STEAP1B: variants seen among roughly 807,000 people sequenced by gnomAD.
STEAP1B encodes the protein STEAP family member 1B, also known as STEAP family protein MGC87042.
A neutral mutation model predicts 27.9 loss-of-function variants in STEAP1B; 13 were observed. The observed-to-expected ratio is 0.47, with a 90% CI of 0.30 to 0.74. STEAP1B has a LOEUF of 0.74. STEAP1B is among the 30% of genes least tolerant of loss of function. The pLI, the probability that STEAP1B is intolerant of heterozygous loss-of-function variation, is 0.06. For missense variants in STEAP1B, 250 were observed against 298.7 expected (o/e 0.84, Z 1.20); for synonymous variants, 86 against 107.1 (o/e 0.80, Z 1.22).
chr7:22,458,609 G>A (rs1384440556), intron 4 of STEAP1B, among the ~76,000 whole-genome samples: 1 of 152,180 alleles, frequency 6.6e-6, no homozygotes, highest in East Asian at 1.9e-4. Flanking sequence ...CGCACCACTG[G>A]GTAGGCCATA....
At position 22,487,232 on chromosome 7, in the gene STEAP1B, G is replaced by A. The variant is rs1190928783; in HGVS notation, c.762+5333C>T. ...AAGGATCGCTTGAGCCCAGGAGTTT[G>A]GGGCTGCAGTGAGCTGTGATCGCAC... On this transcript the variant is annotated intron_variant, in intron 4 of 4. Transcript: ENST00000678116. Among the ~76,000 whole-genome samples the A allele has an allele frequency of 2.6e-5, 4 of 152,048 alleles. No homozygotes were observed. The South Asian group carries it at 8.3e-4, about 32-fold the overall frequency.
At chr7:22,493,176 T>C (rs1786362323) in intron 3 of STEAP1B, 148 bp downstream of exon 3, 2 of 1,017,540 alleles carry the variant, frequency 2.0e-6, no homozygotes, top group Non-Finnish European at 2.8e-6. Flanking sequence ...CAAGCCCTAG[T>C]GTAATTATAA....
rs116069469 is a variant in STEAP1B, at chr7:22,421,103, T to C, written c.763-1267A>G. Among the ~76,000 whole-genome samples the C allele has an allele frequency of 7.5e-3, 1,142 of 152,376 alleles. 14 individuals are homozygous for C. The highest frequency in any genetic ancestry group is 0.026 in the African/African-American group (1,072 of 41,592). Reference sequence around the variant, plus strand: ...ACATCAGTTATGTCTGGCAAGCACATTGTTAAAAGTGGATTCCTGCCCTTG... The same window carrying C: ...ACATCAGTTATGTCTGGCAAGCACACTGTTAAAAGTGGATTCCTGCCCTTG... On this transcript the variant is annotated intron_variant, in intron 4 of 4. Coordinates refer to ENST00000678116, the MANE Select transcript of STEAP1B (RefSeq NM_001382447.1).
chr7:22,434,656 C>T (rs748459597), intron 4 of STEAP1B, among the ~76,000 whole-genome samples: 16 of 152,144 alleles, frequency 1.1e-4, no homozygotes, highest in Non-Finnish European at 8.8e-5. Flanking sequence ...CCTTTCTATG[C>T]CAGACACAAC....
chr7:22,430,531 T>C (rs939410122), intron 4 of STEAP1B, among the ~76,000 whole-genome samples: 5 of 152,218 alleles, frequency 3.3e-5, no homozygotes, highest in African/African-American at 1.2e-4. Flanking sequence ...TTCAACATTA[T>C]TCAGATGCTT....
intron 4 of STEAP1B, among the ~76,000 whole-genome samples, chr7:22,422,458 G>A (rs1192686353): frequency 1.3e-5 from 2 of 152,074 alleles, no homozygotes; most frequent in East Asian, 1.9e-4. Flanking sequence ...AATATGCAAG[G>A]TGAGTCCTTG....
intron 4 of STEAP1B, among the ~76,000 whole-genome samples, chr7:22,435,735 T>G (rs1426172622): frequency 6.6e-6 from 1 of 152,212 alleles, no homozygotes; most frequent in Non-Finnish European, 1.5e-5. Flanking sequence ...ATACGCACCG[T>G]GGGCAGAGAG....
At chr7:22,488,667 C>T (rs1786262845) in intron 4 of STEAP1B, among the ~76,000 whole-genome samples, 1 of 152,204 alleles carries the variant, frequency 6.6e-6, no homozygotes, top group East Asian at 1.9e-4. Flanking sequence ...TTCACAGGAG[C>T]CACATCACTA....
intron 4 of STEAP1B, among the ~76,000 whole-genome samples, chr7:22,432,089 G>C (rs1785194593): frequency 6.6e-6 from 1 of 152,142 alleles, no homozygotes; most frequent in African/African-American, 2.4e-5. Context: ...AGTGGGATTG[G>C]TGTCCTTATA....
At chr7:22,431,692 C>T (rs1251403527) in intron 4 of STEAP1B, among the ~76,000 whole-genome samples, 2 of 152,214 alleles carry the variant, frequency 1.3e-5, no homozygotes, top group African/African-American at 4.8e-5. Context: ...TGAATTTGAT[C>T]TTGGGAACAC....
At chr7:22,471,250 A>G (rs1173957525) in intron 4 of STEAP1B, among the ~76,000 whole-genome samples, 4 of 152,218 alleles carry the variant, frequency 2.6e-5, no homozygotes, top group African/African-American at 9.6e-5. Flanking sequence ...CTGTTAAAAT[A>G]TCTAAAACAC....
intron 4 of STEAP1B, among the ~76,000 whole-genome samples, chr7:22,432,944 T>C (rs998553295): frequency 6.6e-6 from 1 of 152,182 alleles, no homozygotes; most frequent in Admixed American, 6.5e-5. Flanking sequence ...AACTGCCAGT[T>C]GCTTCATGAG....
intron 4 of STEAP1B, among the ~76,000 whole-genome samples, chr7:22,468,497 A>C (rs116552899): frequency 0.029 from 4,399 of 152,270 alleles, 202 homozygotes; most frequent in African/African-American, 0.1. Flanking sequence ...GCTTTTTAAA[A>C]AGTTGAATAT....
At chr7:22,495,104 A>G (rs532995014) in intron 1 of STEAP1B, among the ~76,000 whole-genome samples, 31 of 152,306 alleles carry the variant, frequency 2.0e-4, no homozygotes, top group Non-Finnish European at 4.0e-4. Flanking sequence ...TTCTTTATCC[A>G]CTTATTTGTT....
chr7:22,480,254 C>T (rs889891103), intron 4 of STEAP1B, among the ~76,000 whole-genome samples: 1 of 152,230 alleles, frequency 6.6e-6, no homozygotes, highest in Non-Finnish European at 1.5e-5. Flanking sequence ...TTGTACATAT[C>T]ATTCTCGGCT....
chr7:22,431,287 G>A (rs1785184044), intron 4 of STEAP1B, among the ~76,000 whole-genome samples: 1 of 152,128 alleles, frequency 6.6e-6, no homozygotes, highest in Admixed American at 6.5e-5. Flanking sequence ...TTTGCAAAAT[G>A]GCTGGAAGCA....
chr7:22,464,948 C>CACATATAT (rs1554286209), intron 4 of STEAP1B, among the ~76,000 whole-genome samples: 1 of 45,012 alleles, frequency 2.2e-5, no homozygotes, highest in Non-Finnish European at 5.2e-5. Flanking sequence ...TACCAAACCC[C>CACATATAT]ATATATATAT....
chr7:22,470,943 T>A (rs180960882), intron 4 of STEAP1B, among the ~76,000 whole-genome samples: 1 of 152,018 alleles, frequency 6.6e-6, no homozygotes, highest in African/African-American at 2.4e-5. Flanking sequence ...AAGAAAAAAA[T>A]GTATTCAAGA....
chr7:22,461,839 T>C (rs549728321), intron 4 of STEAP1B, among the ~76,000 whole-genome samples: 6 of 152,312 alleles, frequency 3.9e-5, no homozygotes, highest in African/African-American at 1.4e-4. Context: ...TTTACTTAAA[T>C]TGTGTGTTAA....
Sources: allele counts gnomAD v4.1 joint callset (sites outside exome capture counted in the v4.1 genomes callset), GRCh38; gene constraint gnomAD v4.1.1; transcripts MANE v1.5; gene names NCBI Gene and HGNC (gene_info 2026-07-23, HGNC 2026-07-21).